PKD1L1: variants seen among roughly 807,000 people sequenced by gnomAD.
The protein encoded by PKD1L1 is polycystin 1 like 1, transient receptor potential channel interacting.
PKD1L1 carries 236 observed loss-of-function variants against 323.4 expected under a neutral mutation model. That is an observed-to-expected ratio of 0.73 (90% CI 0.66 to 0.81). The LOEUF (loss-of-function observed/expected upper bound fraction) is 0.81, where lower values mean the gene tolerates loss of function less well. Among genes scored for constraint, PKD1L1 ranks in the 40% least tolerant of loss-of-function variants. PKD1L1 has a pLI of 0.00. For synonymous variants in PKD1L1, 1,344 were observed against 1,335.0 expected, an observed-to-expected ratio of 1.01 and a Z score of -0.15; for missense variants, 3,320 against 3,508.0, an observed-to-expected ratio of 0.95 and a Z score of 1.35.
At chr7:47,828,158 C>A (rs144564938) in intron 44 of PKD1L1, among the ~76,000 whole-genome samples, 2 of 152,058 alleles carry the variant, frequency 1.3e-5, no homozygotes, top group Non-Finnish European at 2.9e-5. Context: ...GAAAGGAACA[C>A]GTGTGGCGGA....
chr7:47,837,180 G>C (rs1211241397), intron 36 of PKD1L1, 86 bp from the exon 37 acceptor site: 1 of 1,457,840 alleles, frequency 6.9e-7, no homozygotes, highest in Non-Finnish European at 9.4e-7. Context: ...GATCTTCTGA[G>C]CAGAGACCAC....
chr7:47,936,195 A>G (rs1033958735), intron 4 of PKD1L1, among the ~76,000 whole-genome samples: 1 of 152,314 alleles, frequency 6.6e-6, no homozygotes, highest in Middle Eastern at 3.4e-3. Flanking sequence ...AACATTTACC[A>G]TCTGAACCAT....
At chr7:47,912,614 G>C (rs192760933) in intron 8 of PKD1L1, among the ~76,000 whole-genome samples, 156 of 152,030 alleles carry the variant, frequency 1.0e-3, no homozygotes, top group African/African-American at 3.7e-3. Context: ...TCAGGAGTTT[G>C]AGCCTGGCCT....
chr7:47,922,174 G>A (rs888480300), intron 7 of PKD1L1, among the ~76,000 whole-genome samples: 1 of 152,206 alleles, frequency 6.6e-6, no homozygotes, highest in African/African-American at 2.4e-5. Flanking sequence ...TCGGCCTCCC[G>A]AGGTGCCGGG....
chr7:47,870,371 A>G (rs945288244), intron 24 of PKD1L1, among the ~76,000 whole-genome samples: 1 of 141,324 alleles, frequency 7.1e-6, no homozygotes, highest in Non-Finnish European at 1.5e-5. Flanking sequence ...TGACAGACAA[A>G]AAATAAGAGA....
chr7:47,840,623 A>G lies in PKD1L1; in HGVS notation c.5446-56T>C, dbSNP rs746467947. 1.8e-5 allele frequency: 24 copies of G among 1,343,942 alleles called. No individual in the cohort carries two copies. Among genetic ancestry groups the G allele is most frequent in the Non-Finnish European group, 2.4e-5 (23 of 939,916 alleles). The allele number at this position is 1,343,942 out of a possible 1,614,324, so 83.3% of individuals were successfully genotyped here. A position where few individuals can be genotyped will look rare whatever the true frequency, so the allele number is the denominator to read the frequency against. On this transcript the variant is annotated intron_variant, in intron 34 of 56. Transcript: ENST00000289672. The surrounding 1 kb of genome is among the most constrained non-coding windows in gnomAD (Gnocchi z 4.1). ...GGCTATTTCACAGCAGACACCATGC[A>G]ATGCTGGGCAGGGCTTCCTCGCACT...
chr7:47,929,668 T>C lies in PKD1L1; in HGVS notation c.738-142A>G. 5.3e-6 allele frequency: 4 copies of C among 754,152 alleles called. No individual in the cohort carries two copies. The South Asian group carries it at 7.6e-5, about 14-fold the overall frequency. 46.7% of individuals were successfully genotyped at this position (754,152 alleles called of 1,614,324 possible). On this transcript the variant is annotated intron_variant, in intron 6 of 56. Coordinates refer to ENST00000289672, the MANE Select transcript of PKD1L1 (RefSeq NM_138295.5). ...TGATGAAAGGCTTCACTTCCACTGG[T>C]TCTCAGAGTGGGGTCCCAGGGCCAG...
In PKD1L1 at chr7:47,830,022, A is replaced by C; in HGVS notation, c.6558+18T>G. 1 of 1,611,090 alleles carries C rather than the reference A, an allele frequency of 6.2e-7. No homozygotes were observed. Among genetic ancestry groups the C allele is most frequent in the South Asian group, 1.1e-5 (1 of 91,010 alleles). The stretch of plus-strand genomic sequence containing the variant: ...CCTGCTGATGGAAGGCACTTCTACC[A>C]TGGAGGGTGTTTCTTACCATAAGTG... On this transcript the variant is annotated intron_variant, in intron 43 of 56. Transcript: ENST00000289672.
rs1787873311 is a variant in PKD1L1, at chr7:47,936,693, C to T, written c.398+153G>A. Among the ~76,000 whole-genome samples the T allele has an allele frequency of 1.3e-5, 2 of 152,164 alleles. 1 individual carries two copies. Among genetic ancestry groups the T allele is most frequent in the South Asian group, 4.1e-4 (2 of 4,830 alleles). The stretch of plus-strand genomic sequence containing the variant: ...TGCAAATTAACTTCAGAACACCATT[C>T]TTTTTTCCATCAATTTAAGAGCTGC... On this transcript the variant is annotated intron_variant, in intron 4 of 56. Transcript: ENST00000289672.
intron 46 of PKD1L1, chr7:47,818,225 C>T (rs771584958): frequency 2.3e-5 from 31 of 1,331,200 alleles, no homozygotes; most frequent in Admixed American, 1.2e-4. Flanking sequence ...CAAATATTCA[C>T]GCCAAAGGAA....
chr7:47,809,332 G>A, intron 51 of PKD1L1, 141 bp downstream of exon 51: 2 of 624,868 alleles, frequency 3.2e-6, no homozygotes, highest in South Asian at 4.3e-5. Context: ...ATGCTGTTTT[G>A]AGATTAACAC....
intron 56 of PKD1L1, among the ~76,000 whole-genome samples, chr7:47,778,567 T>C (rs1562926148): frequency 1.3e-5 from 2 of 152,222 alleles, no homozygotes; most frequent in African/African-American, 4.8e-5. Flanking sequence ...ATAATGCACC[T>C]GTATTTGATC....
At chr7:47,847,922 T>C (rs1197758237) in intron 31 of PKD1L1, among the ~76,000 whole-genome samples, 2 of 151,604 alleles carry the variant, frequency 1.3e-5, no homozygotes, top group Non-Finnish European at 2.9e-5. Context: ...CTCTTAAACA[T>C]CAAGAAAAAA....
At position 47,778,006 on chromosome 7, in the gene PKD1L1, C is replaced by A. The variant is rs61145999; in HGVS notation, c.8527-2840G>T. Among the ~76,000 whole-genome samples, 889 of 152,302 alleles carry A rather than the reference C, an allele frequency of 5.8e-3. 9 individuals carry two copies. The highest frequency in any genetic ancestry group is 0.02 in the African/African-American group (847 of 41,568). On this transcript the variant is annotated intron_variant, in intron 56 of 56. Transcript: ENST00000289672. ...TGGACAAAGCTTGGGCAGTGAGGGA[C>A]AGACAGAGATGGATGCTGGTAGCCA...
At chr7:47,836,875 G>A (rs1785468374) in intron 37 of PKD1L1, 46 bp downstream of exon 37, 4 of 1,583,502 alleles carry the variant, frequency 2.5e-6, no homozygotes, top group Non-Finnish European at 3.5e-6. Context: ...GGGCCACAGT[G>A]TAGTCGGATC....
chr7:47,811,896 A>T lies in PKD1L1; in HGVS notation c.7502T>A (p.Leu2501His), dbSNP rs1480725975. 2.5e-6 allele frequency: 4 copies of T among 1,610,812 alleles called. No individual in the cohort carries two copies. Among genetic ancestry groups the T allele is most frequent in the Non-Finnish European group, 3.4e-6 (4 of 1,178,806 alleles). Residue 2501 changes from leucine to histidine, a missense_variant, in exon 50 of 57, where the codon CTC becomes CAC. Leu to His is a moderately conservative substitution (Grantham distance 99, BLOSUM62 -3). Transcript: ENST00000289672. ...LRVEILPTGS[L>H]VPSSLVESFS... is the part of the protein sequence containing the mutation. ...TGACTCCACCAGGGATGAGGGGACG[A>T]GACTCCCCGTAGGGAGGATCTCCAC...
At chr7:47,852,854 C>G (rs1785812107) in intron 31 of PKD1L1, among the ~76,000 whole-genome samples, 2 of 151,988 alleles carry the variant, frequency 1.3e-5, no homozygotes, top group South Asian at 4.2e-4. Context: ...AAGCAGAGCC[C>G]TAAGGATCAG....
At chr7:47,893,688 G>A (rs1433320325) in intron 15 of PKD1L1, among the ~76,000 whole-genome samples, 190 bp downstream of exon 15, 1 of 152,152 alleles carries the variant, frequency 6.6e-6, no homozygotes, top group East Asian at 1.9e-4. Flanking sequence ...CTTAAAAAGC[G>A]ACTCACATTT....
chr7:47,949,423 A>G (rs940350382), upstream of PKD1L1, among the ~76,000 whole-genome samples: 2 of 147,932 alleles, frequency 1.4e-5, no homozygotes, highest in Non-Finnish European at 3.0e-5. Flanking sequence ...ACTGGGGAAC[A>G]GGATACCTTC....
Sources: gnomAD v4.1 joint callset for allele counts (sites outside exome capture counted in the v4.1 genomes callset) on GRCh38, gnomAD v4.1.1 for gene constraint, Gnocchi (gnomAD v3.1) non-coding constraint, MANE v1.5 for transcripts, NCBI Gene and HGNC (gene_info 2026-07-23, HGNC 2026-07-21) for gene names.